PHF12: variants seen among roughly 807,000 people sequenced by gnomAD.
The protein encoded by PHF12 is PHD finger protein 12.
A neutral mutation model predicts 99.8 loss-of-function variants in PHF12; 6 were observed. That is an observed-to-expected ratio of 0.06 (90% CI 0.03 to 0.12). The LOEUF is 0.12. Among genes scored for constraint, PHF12 ranks in the 10% least tolerant of loss-of-function variants. The pLI is 1.00. For missense variants in PHF12, 954 were observed against 1,300.1 expected (o/e 0.73, Z 4.09); for synonymous variants, 480 against 514.9 (o/e 0.93, Z 0.92).
rs544477088 is a variant in PHF12, at chr17:28,941,580, T to C, written c.248+8485A>G. On this transcript the variant is annotated intron_variant, in intron 2 of 14. Coordinates refer to ENST00000332830, the MANE Select transcript of PHF12 (RefSeq NM_001033561.2). ...GCACATTTTAATTGACCTGAAGTTA[T>C]TTCCACCACAACCAATAAAACTGAG... Among the ~76,000 whole-genome samples, 26 of 152,332 alleles carry C rather than the reference T, an allele frequency of 1.7e-4. No individual in the cohort carries two copies. In the South Asian group the frequency reaches 5.2e-3, roughly 30 times the overall value.
At chr17:28,910,688 T>C (rs1598117562) in intron 10 of PHF12, 1 of 429,828 alleles carries the variant, frequency 2.3e-6, no homozygotes, top group East Asian at 4.6e-5. Context: ...ATGTCTGATA[T>C]TGAGACTTGA....
intron 9 of PHF12, among the ~76,000 whole-genome samples, chr17:28,911,756 G>A (rs1052341618): frequency 2.6e-5 from 4 of 152,144 alleles, no homozygotes; most frequent in African/African-American, 9.7e-5. Context: ...CTTCAGTTCA[G>A]ACGGGAGAGA....
intron 3 of PHF12, chr17:28,926,281 G>GT (rs2040271795): frequency 6.2e-6 from 1 of 161,122 alleles, no homozygotes; most frequent in East Asian, 1.9e-4. Flanking sequence ...TAGAGGTGAG[G>GT]TCACAACATA....
chr17:28,908,535 G>A, intron 12 of PHF12: 1 of 494,888 alleles, frequency 2.0e-6, no homozygotes, highest in Non-Finnish European at 3.6e-6. Context: ...GCCCAGGCTG[G>A]TCTCGAAGTC....
In PHF12 at chr17:28,910,384, G is replaced by T; in HGVS notation, c.2216-15C>A. 6.2e-7 allele frequency: 1 copy of T among 1,600,886 alleles called. No homozygotes were observed. ...TATCTCGATTTCTATTAGCCAAAGAGAAAGATTAAAAAGCAGCTGAGATGG... is the reference window on the plus strand; with the variant it reads ...TATCTCGATTTCTATTAGCCAAAGATAAAGATTAAAAAGCAGCTGAGATGG... On this transcript the variant is annotated splice_polypyrimidine_tract_variant and intron_variant, in intron 10 of 14. Transcript: ENST00000332830.
intron 8 of PHF12, 119 bp from the exon 9 acceptor site, chr17:28,913,396 C>T (rs982237728): frequency 2.7e-6 from 4 of 1,472,968 alleles, no homozygotes; most frequent in Non-Finnish European, 3.6e-6. Context: ...ATCATGAATG[C>T]TCACAAAGGG....
intron 13 of PHF12, 115 bp downstream of exon 13, chr17:28,907,475 A>G (rs2039890359): frequency 1.0e-6 from 1 of 1,004,538 alleles, no homozygotes; most frequent in Non-Finnish European, 1.5e-6. Context: ...GAGGGAAGAA[A>G]AAGAGAGGAC....
intron 13 of PHF12, 101 bp from the exon 14 acceptor site, chr17:28,907,095 A>G (rs1306704350): frequency 9.5e-6 from 13 of 1,368,976 alleles, no homozygotes; most frequent in African/African-American, 1.5e-5. Context: ...CTCTACCTAG[A>G]GAGTCCTTAC....
At chr17:28,911,415 G>T in intron 9 of PHF12, 178 bp from the exon 10 acceptor site, 1 of 784,530 alleles carries the variant, frequency 1.3e-6, no homozygotes, top group Non-Finnish European at 2.0e-6. Context: ...AGGGCAGATG[G>T]AACGACAAAG....
Position 28,905,387 on chromosome 17 carries a change from G to A in PHF12, c.*796C>T, listed in dbSNP as rs905091873. On this transcript the variant is annotated 3_prime_UTR_variant, in exon 15 of 15. Transcript: ENST00000332830. ...GGAACCAGGGGCAGGAGGAAGAGGA[G>A]AGAAGTGGCAAGAGAACAAAAAAAG... 6.5e-6 allele frequency: 1 copy of A among 152,674 alleles called. No individual in the cohort carries two copies. The highest frequency in any genetic ancestry group is 2.4e-5 in the African/African-American group (1 of 41,436). 9.5% of individuals were successfully genotyped at this position (152,674 alleles called of 1,614,324 possible).
intron 4 of PHF12, 116 bp downstream of exon 4, chr17:28,923,793 A>G: frequency 7.8e-7 from 1 of 1,286,164 alleles, no homozygotes; most frequent in Non-Finnish European, 1.1e-6. Flanking sequence ...CAGAACTAGG[A>G]ACAGGAACCC....
In PHF12 at chr17:28,950,750, A is replaced by G; in HGVS notation, c.66+145T>C. 2 of 1,217,818 alleles carry G rather than the reference A, an allele frequency of 1.6e-6. No individual in the cohort carries two copies. The highest frequency in any genetic ancestry group is 2.8e-5 in the East Asian group (1 of 35,756). 75.4% of individuals were successfully genotyped at this position (1,217,818 alleles called of 1,614,324 possible). A position where few individuals can be genotyped will look rare whatever the true frequency, so the allele number is the denominator to read the frequency against. Reference sequence around the variant, plus strand: ...GGCTGAGCTCAGCCCCCTAAATTGCAAAGAGGGGAGGGAGAGGCTAGGTGA... The same window carrying G: ...GGCTGAGCTCAGCCCCCTAAATTGCGAAGAGGGGAGGGAGAGGCTAGGTGA... On this transcript the variant is annotated intron_variant, in intron 1 of 14. Coordinates refer to ENST00000332830, the MANE Select transcript of PHF12 (RefSeq NM_001033561.2). The surrounding 1 kb of genome is among the most constrained non-coding windows in gnomAD (Gnocchi z 5.7).
Position 28,924,043 on chromosome 17 carries a change from G to C in PHF12, c.581C>G (p.Pro194Arg). 6.2e-7 allele frequency: 1 copy of C among 1,614,170 alleles called. No homozygotes were observed. Among genetic ancestry groups the C allele is most frequent in the East Asian group, 2.2e-5 (1 of 44,874 alleles). Residue 194 changes from proline to arginine, a missense_variant, in exon 4 of 15, where the codon CCA (proline) becomes CGA (arginine). Pro to Arg is a moderately radical substitution (Grantham distance 103). Around this residue, in one of 8 missense-constraint regions of PHF12, gnomAD observed 109 missense variants for 145.4 expected, o/e 0.75. Coordinates refer to ENST00000332830, the MANE Select transcript of PHF12 (RefSeq NM_001033561.2). ...CACATAGTCTGGCTCCGCTGCTACT[G>C]GTTCCTCATCCACGTCAATGATGTC... ...DEDIIDVDEEPVAAEPDYVQP... is the reference protein window; with the variant it reads ...DEDIIDVDEERVAAEPDYVQP...
intron 3 of PHF12, 159 bp downstream of exon 3, chr17:28,926,832 A>T (rs1332896644): frequency 5.2e-6 from 8 of 1,538,902 alleles, no homozygotes; most frequent in Non-Finnish European, 6.1e-6. Context: ...GCCCTACTGG[A>T]TTCCAAACAG....
At chr17:28,936,376 G>T (rs893214828) in intron 2 of PHF12, among the ~76,000 whole-genome samples, 3 of 152,170 alleles carry the variant, frequency 2.0e-5, no homozygotes, top group African/African-American at 7.2e-5. Flanking sequence ...GGGAGAGAAA[G>T]CAAGTAGATG....
rs751507082 is a variant in PHF12, at chr17:28,924,042, T to A, written c.582A>T (p.Pro194=). ...DEDIIDVDEE[P]VAAEPDYVQP... is the part of the protein sequence containing the mutation. ...GCACATAGTCTGGCTCCGCTGCTAC[T>A]GGTTCCTCATCCACGTCAATGATGT... The change falls in exon 4 of 15, where the codon CCA becomes CCT. Residue 194 remains proline, a synonymous_variant. Coordinates refer to ENST00000332830, the MANE Select transcript of PHF12 (RefSeq NM_001033561.2). 1 of 1,614,214 alleles carries A rather than the reference T, an allele frequency of 6.2e-7. No homozygotes were observed. The highest frequency in any genetic ancestry group is 8.5e-7 in the Non-Finnish European group (1 of 1,180,036).
intron 2 of PHF12, among the ~76,000 whole-genome samples, chr17:28,940,772 A>G (rs764005681): frequency 1.1e-4 from 17 of 152,214 alleles, no homozygotes; most frequent in Non-Finnish European, 2.1e-4. Flanking sequence ...TGACCTGTGC[A>G]TGCGTCCTGG....
chr17:28,935,497 C>T (rs1010982891), intron 2 of PHF12, among the ~76,000 whole-genome samples: 1 of 152,122 alleles, frequency 6.6e-6, no homozygotes, highest in South Asian at 2.1e-4. Flanking sequence ...GTCTTGAACT[C>T]CTGACCTCAA....
At position 28,950,494 on chromosome 17, in the gene PHF12, A is replaced by C. The variant is rs2040790834; in HGVS notation, c.67-248T>G. ...GGATCAAGGGTAGGGGGATGGGAAG[A>C]GGGTGCGCGGTTCCCTTCTTGCCAC... On this transcript the variant is annotated intron_variant, in intron 1 of 14. Transcript: ENST00000332830. The surrounding 1 kb of genome is among the most constrained non-coding windows in gnomAD (Gnocchi z 5.7). 8.8e-6 allele frequency: 5 copies of C among 566,946 alleles called. No homozygotes were observed. The highest frequency in any genetic ancestry group is 3.1e-6 in the Non-Finnish European group (1 of 320,278). The allele number at this position is 566,946 out of a possible 1,614,324, so 35.1% of individuals were successfully genotyped here.
Sources: allele counts gnomAD v4.1 joint callset (sites outside exome capture counted in the v4.1 genomes callset), GRCh38; gene constraint gnomAD v4.1.1; regional missense constraint gnomAD v4.1.1; non-coding constraint Gnocchi (gnomAD v3.1); transcripts MANE v1.5; gene names NCBI Gene and HGNC (gene_info 2026-07-23, HGNC 2026-07-21).